FGF5: variants seen among roughly 807,000 people sequenced by gnomAD.
The protein encoded by FGF5 is fibroblast growth factor 5.
FGF5 carries 23 observed loss-of-function variants against 21.8 expected under a neutral mutation model. The ratio of observed to expected loss-of-function variants is 1.05; its 90% confidence interval spans 0.76 to 1.49. FGF5 has a LOEUF of 1.49. Among genes scored for constraint, FGF5 ranks in the 40% most tolerant of loss-of-function variants. FGF5 has a pLI of 0.00. For synonymous variants in FGF5, 158 were observed against 124.0 expected (o/e 1.27, Z -1.82); for missense variants, 352 against 332.9 (o/e 1.06, Z -0.45).
chr4:80,274,543 T>C (rs938510022), intron 1 of FGF5, among the ~76,000 whole-genome samples: 1 of 152,128 alleles, frequency 6.6e-6, no homozygotes, highest in South Asian at 2.1e-4. Flanking sequence ...TAGTGTATTA[T>C]CTTTGATGAA....
At chr4:80,268,802 C>A (rs1383087900) in intron 1 of FGF5, among the ~76,000 whole-genome samples, 1 of 152,236 alleles carries the variant, frequency 6.6e-6, no homozygotes, top group Admixed American at 6.5e-5. Flanking sequence ...GCCTCCCTCA[C>A]ACTCCCGAGA....
chr4:80,267,143 G>T lies in FGF5; in HGVS notation c.319G>T (p.Gly107Cys). The T allele has an allele frequency of 6.2e-7, 1 of 1,612,794 alleles. No individual in the cohort carries two copies. The highest frequency in any genetic ancestry group is 8.5e-7 in the Non-Finnish European group (1 of 1,179,326). ...TTTCCATCTGCAGATCTACCCGGATGGCAAAGTCAATGGATCCCACGAAGC... is the reference window on the plus strand; with the variant it reads ...TTTCCATCTGCAGATCTACCCGGATTGCAAAGTCAATGGATCCCACGAAGC... ...IGFHLQIYPD[G>C]KVNGSHEANM... The change falls in exon 1 of 3, where the codon GGC becomes TGC. Residue 107 changes from glycine (G) to cysteine (C), a missense_variant. Coordinates refer to ENST00000312465, the MANE Select transcript of FGF5 (RefSeq NM_004464.4).
chr4:80,275,040 A>C, intron 2 of FGF5, 28 bp downstream of exon 2: 1 of 926,366 alleles, frequency 1.1e-6, no homozygotes, highest in Non-Finnish European at 1.7e-6. Flanking sequence ...ATATTTGTTA[A>C]AGGTGCTATA....
At chr4:80,276,291 A>G (rs980379987) in intron 2 of FGF5, among the ~76,000 whole-genome samples, 6 of 152,074 alleles carry the variant, frequency 3.9e-5, no homozygotes, top group Non-Finnish European at 5.9e-5. Context: ...GTTTACTAAC[A>G]TAAATGGAAA....
At position 80,266,804 on chromosome 4, in the gene FGF5, A is replaced by G. The variant is rs763256891; in HGVS notation, c.-21A>G. Reference sequence around the variant, plus strand: ...AGAATCAGCCCTACAAGATGCACTTAGGACCCCCGCGGCTGGAAGAATGAG... The same window carrying G: ...AGAATCAGCCCTACAAGATGCACTTGGGACCCCCGCGGCTGGAAGAATGAG... On this transcript the variant is annotated 5_prime_UTR_variant, in exon 1 of 3. Coordinates refer to ENST00000312465, the MANE Select transcript of FGF5 (RefSeq NM_004464.4). The G allele has an allele frequency of 3.2e-6, 5 of 1,554,100 alleles. No homozygotes were observed. In the East Asian group the frequency reaches 1.1e-4, roughly 35 times the overall value.
intron 1 of FGF5, 55 bp downstream of exon 1, chr4:80,267,234 G>C: frequency 6.4e-6 from 9 of 1,413,082 alleles, no homozygotes; most frequent in Non-Finnish European, 8.8e-6. Context: ...GAAGATTCGG[G>C]AGGGACAGCA....
intron 1 of FGF5, among the ~76,000 whole-genome samples, chr4:80,270,898 C>A (rs1190203190): frequency 6.6e-6 from 1 of 152,122 alleles, no homozygotes; most frequent in African/African-American, 2.4e-5. Flanking sequence ...TAGACAGTCC[C>A]CCAAGCCTAG....
rs182784696 is a variant in FGF5 at position 80,274,860 on chromosome 4, T to A, written c.356-49T>A. The A allele has an allele frequency of 3.9e-3, 3,053 of 781,116 alleles. 12 individuals are homozygous for A. The highest frequency in any genetic ancestry group is 5.3e-3 in the Non-Finnish European group (2,432 of 456,884). 48.4% of individuals were successfully genotyped at this position (781,116 alleles called of 1,614,324 possible). On this transcript the variant is annotated intron_variant, in intron 1 of 2. Transcript: ENST00000312465. ...TATGTAGAAATTTAATTCTTCACAA[T>A]GATATAAATAAGAGCCTGTGTTTTA...
chr4:80,275,991 A>G (rs1375131241), intron 2 of FGF5, among the ~76,000 whole-genome samples: 1 of 152,026 alleles, frequency 6.6e-6, no homozygotes, highest in Non-Finnish European at 1.5e-5. Context: ...CTTACTATAT[A>G]TAATTTGATT....
intron 1 of FGF5, chr4:80,268,627 C>T: frequency 1.5e-5 from 8 of 526,168 alleles, no homozygotes; most frequent in Non-Finnish European, 2.0e-5. Context: ...ATGCGGAAGA[C>T]CTGATGGTTC....
At chr4:80,273,903 T>C (rs1720337938) in intron 1 of FGF5, among the ~76,000 whole-genome samples, 1 of 152,088 alleles carries the variant, frequency 6.6e-6, no homozygotes, top group Admixed American at 6.6e-5. Context: ...AAAATCTCTT[T>C]TTAAAAATTT....
At chr4:80,278,855 T>C (rs1181591415) in intron 2 of FGF5, among the ~76,000 whole-genome samples, 1 of 152,086 alleles carries the variant, frequency 6.6e-6, no homozygotes, top group Non-Finnish European at 1.5e-5. Flanking sequence ...TGAGGATGTA[T>C]GGTCTTCTCT....
intron 2 of FGF5, among the ~76,000 whole-genome samples, chr4:80,277,933 GTTCTTTAAAAGC>G (rs1720458666): frequency 6.6e-6 from 1 of 152,040 alleles, no homozygotes; most frequent in African/African-American, 2.4e-5. Flanking sequence ...TACTTTCATA[GTTCTTTAAAAGC>G]CCTTTTGCTC....
chr4:80,286,514 C>T lies in FGF5; in HGVS notation c.649C>T (p.Pro217Ser). Residue 217 changes from proline to serine, a missense_variant, in exon 3 of 3, where the codon CCA (proline) becomes TCA (serine). Physicochemically the swap from Pro to Ser is moderately conservative, Grantham distance 74. Coordinates refer to ENST00000312465, the MANE Select transcript of FGF5 (RefSeq NM_004464.4). ...CCAGCATATCTCTACCCATTTTCTG[C>T]CAAGATTCAAGCAGTCGGAGCAGCC... ...KPQHISTHFL[P>S]RFKQSEQPEL... 1.2e-6 allele frequency: 2 copies of T among 1,614,010 alleles called. No individual in the cohort carries two copies. The highest frequency in any genetic ancestry group is 8.5e-7 in the Non-Finnish European group (1 of 1,179,970).
In FGF5 at chr4:80,286,501, T is replaced by C. The variant is rs1351721249; in HGVS notation, c.636T>C (p.Ser212=). ...CSPRVKPQHI[S]THFLPRFKQS... The stretch of plus-strand genomic sequence containing the variant: ...CCCGGGTTAAACCCCAGCATATCTC[T>C]ACCCATTTTCTGCCAAGATTCAAGC... The change falls in exon 3 of 3, where the codon TCT becomes TCC. Residue 212 remains serine, a synonymous_variant. Transcript: ENST00000312465. 5.0e-6 allele frequency: 8 copies of C among 1,613,962 alleles called. No homozygotes were observed. The South Asian group carries it at 7.7e-5, about 16-fold the overall frequency.
intron 1 of FGF5, among the ~76,000 whole-genome samples, chr4:80,267,734 T>C (rs191535092): frequency 1.7e-3 from 134 of 80,538 alleles, no homozygotes; most frequent in African/African-American, 8.1e-3. Context: ...TACACATAGG[T>C]AGATAGATAG....
At chr4:80,271,792 G>A (rs9307646) in intron 1 of FGF5, among the ~76,000 whole-genome samples, 10,510 of 152,142 alleles carry the variant, frequency 0.069, 414 homozygotes, top group Non-Finnish European at 0.084. Flanking sequence ...CGTGACTCCC[G>A]ATGATAAAGG....
At chr4:80,280,624 T>C (rs2109926140) in intron 2 of FGF5, among the ~76,000 whole-genome samples, 1 of 152,312 alleles carries the variant, frequency 6.6e-6, no homozygotes, top group Non-Finnish European at 1.5e-5. Context: ...TCTTTACTTC[T>C]CTGGCTGAAA....
intron 2 of FGF5, among the ~76,000 whole-genome samples, chr4:80,275,449 T>C (rs1003516403): frequency 1.3e-5 from 2 of 151,930 alleles, no homozygotes; most frequent in Admixed American, 6.6e-5. Context: ...ATGTAAAATA[T>C]TTTCATATTA....
Sources: allele counts gnomAD v4.1 joint callset (sites outside exome capture counted in the v4.1 genomes callset), GRCh38; gene constraint gnomAD v4.1.1; transcripts MANE v1.5; gene names NCBI Gene and HGNC (gene_info 2026-07-23, HGNC 2026-07-21).